The following RNF130 variants were observed in gnomAD, a reference collection of about 807,000 sequenced individuals.
RNF130 encodes the protein E3 ubiquitin-protein ligase RNF130.
RNF130 carries 21 observed loss-of-function variants against 44.6 expected under a neutral mutation model. That is an observed-to-expected ratio of 0.47 (90% CI 0.33 to 0.68). RNF130 has a LOEUF of 0.68. RNF130 is among the 30% of genes least tolerant of loss of function. The pLI, the probability that RNF130 is intolerant of heterozygous loss-of-function variation, is 0.02. For synonymous variants in RNF130, 214 were observed against 210.4 expected (o/e 1.02, Z -0.15); for missense variants, 479 against 560.6 (o/e 0.85, Z 1.47).
chr5:179,983,230 G>C (rs1432181872), intron 3 of RNF130, among the ~76,000 whole-genome samples: 1 of 151,984 alleles, frequency 6.6e-6, no homozygotes, highest in Non-Finnish European at 1.5e-5. Context: ...CCTATTTCAA[G>C]GTTACAAAGA....
At chr5:180,019,897 A>G (rs975651977) in intron 2 of RNF130, among the ~76,000 whole-genome samples, 1 of 152,210 alleles carries the variant, frequency 6.6e-6, no homozygotes, top group Admixed American at 6.5e-5. Context: ...GAGTCACGGA[A>G]CGGTGAACAC....
intron 7 of RNF130, among the ~76,000 whole-genome samples, chr5:179,940,706 T>C (rs912736733): frequency 1.3e-5 from 2 of 152,142 alleles, no homozygotes; most frequent in South Asian, 2.1e-4. Context: ...TTCACTCTGC[T>C]TGGTGTTCCC....
chr5:180,007,741 G>A (rs1475595543), intron 3 of RNF130, among the ~76,000 whole-genome samples: 1 of 152,158 alleles, frequency 6.6e-6, no homozygotes, highest in African/African-American at 2.4e-5. Context: ...TTTGTGGCCT[G>A]CACCAGATGG....
At chr5:179,968,859 C>G (rs1294038464) in intron 6 of RNF130, among the ~76,000 whole-genome samples, 1 of 152,066 alleles carries the variant, frequency 6.6e-6, no homozygotes, top group African/African-American at 2.4e-5. Flanking sequence ...GCTGAACGGT[C>G]TACGATGCAC....
intron 7 of RNF130, among the ~76,000 whole-genome samples, chr5:179,931,032 C>CAAAAAAAAAAAAA (rs34266288): frequency 1.3e-5 from 1 of 74,302 alleles, no homozygotes. Context: ...ACCTCTGTCT[C>CAAAAAAAAAAAAA]AAAAAAAAAA....
At position 180,013,315 on chromosome 5, in the gene RNF130, C is replaced by T. The variant is rs778288203; in HGVS notation, c.443-4G>A. On this transcript the variant is annotated splice_polypyrimidine_tract_variant and splice_region_variant and intron_variant, in intron 2 of 8. Transcript: ENST00000521389. ...ACAGCAATAATATCTCCAGTGCCTG[C>T]AATATAAAATAAATATATAACTCAA... The T allele has an allele frequency of 1.5e-5, 24 of 1,595,310 alleles. No individual in the cohort carries two copies. In the East Asian group the frequency reaches 2.7e-4, roughly 18 times the overall value.
At chr5:179,920,551 G>T in intron 7 of RNF130, 3 of 605,896 alleles carry the variant, frequency 5.0e-6, no homozygotes, top group Non-Finnish European at 8.9e-6. Flanking sequence ...TTCATAAGGG[G>T]CTCTTATTAG....
intron 3 of RNF130, among the ~76,000 whole-genome samples, chr5:179,980,994 G>T (rs1021906998): frequency 6.6e-6 from 1 of 152,170 alleles, no homozygotes; most frequent in African/African-American, 2.4e-5. Context: ...GACTAGGAGG[G>T]GTGGGGCGAG....
chr5:179,972,654 C>T (rs929809895), intron 5 of RNF130, among the ~76,000 whole-genome samples: 1 of 152,030 alleles, frequency 6.6e-6, no homozygotes, highest in African/African-American at 2.4e-5. Flanking sequence ...GCCGCAGCAC[C>T]ACCTGGGGGG....
chr5:180,069,350 G>A (rs1468021560), intron 1 of RNF130, among the ~76,000 whole-genome samples: 2 of 152,114 alleles, frequency 1.3e-5, no homozygotes, highest in Admixed American at 6.5e-5. Flanking sequence ...GAAAAACTGC[G>A]TATGTGTGAA....
chr5:180,052,867 C>T (rs1352670146), intron 1 of RNF130, among the ~76,000 whole-genome samples: 1 of 152,044 alleles, frequency 6.6e-6, no homozygotes, highest in Non-Finnish European at 1.5e-5. Flanking sequence ...CGTCCATAAA[C>T]CAATAAATAC....
intron 3 of RNF130, among the ~76,000 whole-genome samples, chr5:180,010,163 C>T (rs569931806): frequency 3.7e-5 from 5 of 133,930 alleles, no homozygotes; most frequent in Non-Finnish European, 6.2e-5. Context: ...AGGAGAATGG[C>T]GTGAACCTGG....
chr5:179,960,690 A>G (rs1273354879), intron 8 of RNF130, among the ~76,000 whole-genome samples: 3 of 152,202 alleles, frequency 2.0e-5, no homozygotes, highest in Non-Finnish European at 4.4e-5. Flanking sequence ...CACTGCCAGA[A>G]AGGTAAACTA....
intron 3 of RNF130, among the ~76,000 whole-genome samples, chr5:179,983,333 C>CT (rs35802224): frequency 0.011 from 1,170 of 108,318 alleles, 9 homozygotes; most frequent in Admixed American, 0.015. Context: ...TACAGATGAA[C>CT]TTTTTTTTTT....
In RNF130 at chr5:179,966,998, A is replaced by C. The variant is rs1296205552; in HGVS notation, c.958T>G (p.Cys320Gly). 3.7e-6 allele frequency: 6 copies of C among 1,612,766 alleles called. No homozygotes were observed. The South Asian group carries it at 6.6e-5, about 18-fold the overall frequency. Residue 320 changes from cysteine to glycine, a missense_variant, in exon 7 of 9, where the codon TGT becomes GGT. Around this residue, in one of 3 missense-constraint regions of RNF130, gnomAD observed 161 missense variants for 158.6 expected, o/e 1.02. Transcript: ENST00000521389. ...KALGIVPNLP[C>G]TDNVAFDMER... ...ATATCGAATGCTACGTTATCAGTACATGGCAAATTCGGCTGCAAAATATTT... is the reference window on the plus strand; with the variant it reads ...ATATCGAATGCTACGTTATCAGTACCTGGCAAATTCGGCTGCAAAATATTT...
rs1582212277 is a variant in RNF130 at position 180,040,568 on chromosome 5, C to T, written c.327G>A (p.Gln109=). The part of the protein sequence containing the change: ...PNIKQWIALL[Q]RGNCTFKEKI... Reference sequence around the variant, plus strand: ...TCTCTTTAAACGTGCAGTTTCCCCTCTGCAGCAAGGCAATCCACTGTTTGA... The same window carrying T: ...TCTCTTTAAACGTGCAGTTTCCCCTTTGCAGCAAGGCAATCCACTGTTTGA... Residue 109 remains glutamine, a synonymous_variant, in exon 2 of 9, where the codon CAG becomes CAA. Coordinates refer to ENST00000521389, the MANE Select transcript of RNF130 (RefSeq NM_018434.6). 2 of 1,614,230 alleles carry T rather than the reference C, an allele frequency of 1.2e-6. No individual in the cohort carries two copies. Among genetic ancestry groups the T allele is most frequent in the Non-Finnish European group, 1.7e-6 (2 of 1,180,034 alleles).
chr5:179,920,507 T>C (rs1761613390), intron 7 of RNF130: 1 of 661,978 alleles, frequency 1.5e-6, no homozygotes, highest in Non-Finnish European at 2.8e-6. Flanking sequence ...ACAATGCAGA[T>C]TATCTTTGAA....
At chr5:180,057,410 A>G (rs976622294) in intron 1 of RNF130, among the ~76,000 whole-genome samples, 4 of 152,170 alleles carry the variant, frequency 2.6e-5, no homozygotes, top group Middle Eastern at 3.2e-3. Context: ...CTATCCGGGC[A>G]TGGTGGTGCA....
intron 1 of RNF130, among the ~76,000 whole-genome samples, chr5:180,046,478 A>C (rs1421295719): frequency 1.3e-5 from 2 of 152,180 alleles, no homozygotes; most frequent in Admixed American, 6.5e-5. Context: ...GCCACATAAG[A>C]AGCACTCACC....
Sources: gnomAD v4.1 joint callset for allele counts (sites outside exome capture counted in the v4.1 genomes callset) on GRCh38, gnomAD v4.1.1 for gene constraint, gnomAD v4.1.1 regional missense constraint, MANE v1.5 for transcripts, NCBI Gene and HGNC (gene_info 2026-07-23, HGNC 2026-07-21) for gene names.